Variants in NETO2 observed in about 807,000 individuals in gnomAD.
NETO2 encodes the protein neuropilin and tolloid like 2.
Under a neutral mutation model 62.5 loss-of-function variants are expected in NETO2, and 28 were observed. The ratio of observed to expected loss-of-function variants is 0.45; its 90% CI spans 0.33 to 0.61. The LOEUF is 0.61. Among genes scored for constraint, NETO2 ranks in the 20% least tolerant of loss-of-function variants. The pLI is 0.02. For synonymous variants in NETO2, 214 were observed against 219.1 expected, an observed-to-expected ratio of 0.98 and a Z score of 0.21; for missense variants, 548 against 643.2, an observed-to-expected ratio of 0.85 and a Z score of 1.60.
At chr16:47,090,773 C>G (rs1463765095) in intron 7 of NETO2, among the ~76,000 whole-genome samples, 1 of 152,200 alleles carries the variant, frequency 6.6e-6, no homozygotes, top group Non-Finnish European at 1.5e-5. Flanking sequence ...AAAACTGTTT[C>G]TTTCTTAAAG....
At chr16:47,085,473 C>A (rs1255162910) in intron 8 of NETO2, among the ~76,000 whole-genome samples, 1 of 151,986 alleles carries the variant, frequency 6.6e-6, no homozygotes, top group Non-Finnish European at 1.5e-5. Context: ...CCTCTGCCTG[C>A]CGAGTTCAAG....
chr16:47,089,218 C>T (rs1963261122), intron 7 of NETO2, among the ~76,000 whole-genome samples: 1 of 152,104 alleles, frequency 6.6e-6, no homozygotes, highest in African/African-American at 2.4e-5. Context: ...TATGAGAACC[C>T]CTTGGTGGCT....
chr16:47,122,154 A>G (rs541895457), intron 6 of NETO2, among the ~76,000 whole-genome samples: 1 of 152,348 alleles, frequency 6.6e-6, no homozygotes, highest in African/African-American at 2.4e-5. Context: ...AGTTATTTAA[A>G]AACATCCTTC....
intron 7 of NETO2, among the ~76,000 whole-genome samples, chr16:47,097,416 A>C (rs1317501315): frequency 6.6e-6 from 1 of 152,222 alleles, no homozygotes. Context: ...GGAAGTCTGA[A>C]CTGGGCAGAG....
chr16:47,115,240 T>C (rs1228457577), intron 6 of NETO2, among the ~76,000 whole-genome samples: 1 of 152,198 alleles, frequency 6.6e-6, no homozygotes, highest in Non-Finnish European at 1.5e-5. Context: ...CATTACATTC[T>C]AGAATCAGTT....
chr16:47,140,139 G>A (rs755028753), intron 1 of NETO2, among the ~76,000 whole-genome samples: 1 of 152,112 alleles, frequency 6.6e-6, no homozygotes, highest in Non-Finnish European at 1.5e-5. Flanking sequence ...AGAGGGCAAG[G>A]CCTCCCACCA....
chr16:47,106,782 A>AT (rs200326857), intron 7 of NETO2, among the ~76,000 whole-genome samples: 292 of 144,702 alleles, frequency 2.0e-3, no homozygotes, highest in Middle Eastern at 3.6e-3. Context: ...CCAGGATATA[A>AT]TTTTTTTTTT....
In NETO2 at chr16:47,129,105, G is replaced by C. The variant is rs1044352607; in HGVS notation, c.232+119C>G. The C allele has an allele frequency of 1.5e-5, 14 of 934,076 alleles. No homozygotes were observed. In the South Asian group the frequency reaches 2.0e-4, roughly 13 times the overall value. 57.9% of individuals were successfully genotyped at this position (934,076 alleles called of 1,614,324 possible). A position where few individuals can be genotyped will look rare whatever the true frequency, so the allele number is the denominator to read the frequency against. ...TGCAGAAATACTTATCATTACTACA[G>C]TTTAATTCAAATACATGTTTAAATT... is the stretch of plus-strand genomic sequence containing the variant. On this transcript the variant is annotated intron_variant, in intron 3 of 8. Transcript: ENST00000562435.
chr16:47,105,347 C>T (rs901999039), intron 7 of NETO2, among the ~76,000 whole-genome samples: 3 of 152,144 alleles, frequency 2.0e-5, no homozygotes, highest in Non-Finnish European at 4.4e-5. Flanking sequence ...ACTCCAAATA[C>T]ATCAAAGACT....
chr16:47,087,071 C>T (rs2143804974), intron 7 of NETO2, among the ~76,000 whole-genome samples: 1 of 150,682 alleles, frequency 6.6e-6, no homozygotes, highest in South Asian at 2.1e-4. Context: ...ACTCTGTTGC[C>T]AGGCTGGAGT....
intron 7 of NETO2, among the ~76,000 whole-genome samples, chr16:47,087,597 T>C (rs1269325143): frequency 2.0e-5 from 3 of 152,152 alleles, no homozygotes; most frequent in Non-Finnish European, 4.4e-5. Context: ...AAATAATAAA[T>C]TTTGTTATGT....
At chr16:47,085,385 T>C (rs114127903) in intron 8 of NETO2, among the ~76,000 whole-genome samples, 3,092 of 152,254 alleles carry the variant, frequency 0.02, 106 homozygotes, top group African/African-American at 0.07. Context: ...ATATACTTTT[T>C]TTTTTTTTGG....
intron 3 of NETO2, among the ~76,000 whole-genome samples, chr16:47,128,936 C>G (rs1271834689): frequency 6.6e-6 from 1 of 152,040 alleles, no homozygotes; most frequent in Non-Finnish European, 1.5e-5. Context: ...TTGAATTAAG[C>G]CTTATAAGGG....
At position 47,122,749 on chromosome 16, in the gene NETO2, C is replaced by A. The variant is rs758100834; in HGVS notation, c.562G>T (p.Val188Leu). The change falls in exon 6 of 9, where the codon GTG (valine) becomes TTG (leucine). Residue 188 changes from valine (V) to leucine (L), a missense_variant. Transcript: ENST00000562435. ...TCTTGTTCTACCTGACTAGAGCGCACTATTCCATCAGCTCCCGAGAGCTCG... is the reference window on the plus strand; with the variant it reads ...TCTTGTTCTACCTGACTAGAGCGCAATATTCCATCAGCTCCCGAGAGCTCG... The part of the protein sequence containing the change: ...QFELSGADGI[V>L]RSSQVEQEEK... The A allele has an allele frequency of 6.2e-7, 1 of 1,614,128 alleles. No individual in the cohort carries two copies. Among genetic ancestry groups the A allele is most frequent in the Non-Finnish European group, 8.5e-7 (1 of 1,180,030 alleles).
intron 8 of NETO2, among the ~76,000 whole-genome samples, chr16:47,085,427 G>C (rs1172339983): frequency 6.6e-6 from 1 of 151,648 alleles, no homozygotes; most frequent in Non-Finnish European, 1.5e-5. Flanking sequence ...TGTTGCCCAA[G>C]CTGGAGTGCA....
chr16:47,119,702 A>G (rs1963999546), intron 6 of NETO2, among the ~76,000 whole-genome samples: 1 of 151,766 alleles, frequency 6.6e-6, no homozygotes, highest in Non-Finnish European at 1.5e-5. Flanking sequence ...TAAATGTAGT[A>G]TTTTCATTAA....
chr16:47,120,026 T>C (rs1051750431), intron 6 of NETO2, among the ~76,000 whole-genome samples: 1 of 152,240 alleles, frequency 6.6e-6, no homozygotes, highest in Admixed American at 6.5e-5. Flanking sequence ...TTGAGCCATA[T>C]TAACTTTTTG....
In NETO2 at chr16:47,122,789, A is replaced by G; in HGVS notation, c.527-5T>C. 6.2e-7 allele frequency: 1 copy of G among 1,614,070 alleles called. No individual in the cohort carries two copies. The highest frequency in any genetic ancestry group is 8.5e-7 in the Non-Finnish European group (1 of 1,180,000). On this transcript the variant is annotated splice_region_variant and splice_polypyrimidine_tract_variant and intron_variant, in intron 5 of 8. Transcript: ENST00000562435. ...CCGAGAGCTCGAACTGACAATCTGG[A>G]AGGAATACATGAAAGGTGTTCAAAG...
Position 47,083,340 on chromosome 16 carries a change from G to C in NETO2, c.1459C>G (p.Gln487Glu). 1 of 1,614,238 alleles carries C rather than the reference G, an allele frequency of 6.2e-7. No individual in the cohort carries two copies. The highest frequency in any genetic ancestry group is 2.2e-5 in the East Asian group (1 of 44,890). ...GCCTGCTCAGGGCACTCATGTCCCT[G>C]TTTGAAAGTGTAACTACTTTTCTTG... ...TFKKSSYTFKQGHECPEQALE... is the reference protein window; with the variant it reads ...TFKKSSYTFKEGHECPEQALE... The change falls in exon 9 of 9, where the codon CAG becomes GAG. Residue 487 changes from glutamine to glutamate, a missense_variant. Gln to Glu is a conservative substitution (Grantham distance 29). Transcript: ENST00000562435.
Sources: gnomAD v4.1 joint callset for allele counts (sites outside exome capture counted in the v4.1 genomes callset) on GRCh38, gnomAD v4.1.1 for gene constraint, MANE v1.5 for transcripts, NCBI Gene and HGNC (gene_info 2026-07-23, HGNC 2026-07-21) for gene names.